Variants in KMT2B observed in about 807,000 individuals in gnomAD.
The protein encoded by KMT2B is lysine methyltransferase 2B, also known as histone-lysine N-methyltransferase 2B.
In KMT2B, 22 loss-of-function variants were observed where a neutral mutation model predicts 255.3. The observed-to-expected ratio is 0.09, with a 90% CI of 0.06 to 0.12. The LOEUF (loss-of-function observed/expected upper bound fraction) is 0.12. Among genes scored for constraint, KMT2B ranks in the 10% least tolerant of loss-of-function variants. KMT2B has a pLI of 1.00. For synonymous variants in KMT2B, 1,730 were observed against 1,498.1 expected (o/e 1.15, Z -3.57); for missense variants, 3,149 against 3,737.0 (o/e 0.84, Z 4.10).
intron 4 of KMT2B, 33 bp downstream of exon 4, chr19:35,722,505 T>C (rs1969260687): frequency 1.2e-6 from 2 of 1,600,434 alleles, no homozygotes; most frequent in East Asian, 2.2e-5. Flanking sequence ...TGAAGAAGAC[T>C]GGCGGGAGGA....
rs771149482 is a variant in KMT2B at position 35,721,535 on chromosome 19, G to T, written c.2188G>T (p.Gly730Trp). 1 of 1,611,516 alleles carries T rather than the reference G, an allele frequency of 6.2e-7. No homozygotes were observed. Among genetic ancestry groups the T allele is most frequent in the African/African-American group, 1.3e-5 (1 of 74,976 alleles). The part of the protein sequence containing the change: ...SPHGAPALSN[G>W]PQTQAQLLQP... ...TCACGGGGCTCCAGCTCTGAGCAAC[G>T]GGCCACAGACACAGGCTCAGCTACT... is the stretch of plus-strand genomic sequence containing the variant. Residue 730 changes from glycine (G) to tryptophan (W), a missense_variant, in exon 3 of 37, where the codon GGG becomes TGG. Physicochemically the swap from Gly to Trp is radical, Grantham distance 184. Transcript: ENST00000420124.
chr19:35,732,613 G>A lies in KMT2B; in HGVS notation c.6064G>A (p.Asp2022Asn). 6.2e-7 allele frequency: 1 copy of A among 1,612,486 alleles called. No homozygotes were observed. Among genetic ancestry groups the A allele is most frequent in the Non-Finnish European group, 8.5e-7 (1 of 1,179,442 alleles). ...AMGSSHGGPG[D>N]SSEEESSPTS... ...GGGGAGCAGCCACGGGGGCCCGGGG[G>A]ACAGCTCCGAGGAGGAGTCCAGCCC... is the stretch of plus-strand genomic sequence containing the variant. Residue 2022 changes from aspartate (D) to asparagine (N), a missense_variant, in exon 28 of 37, where the codon GAC becomes AAC. Physicochemically the swap from Asp to Asn is conservative, Grantham distance 23. Around this residue, in one of 18 missense-constraint regions of KMT2B, gnomAD observed 897 missense variants for 825.3 expected, o/e 1.09. Transcript: ENST00000420124.
Position 35,733,420 on chromosome 19 carries a change from G to T in KMT2B, c.6871G>T (p.Ala2291Ser), listed in dbSNP as rs530290369. 2 of 1,553,140 alleles carry T rather than the reference G, an allele frequency of 1.3e-6. No individual in the cohort carries two copies. The highest frequency in any genetic ancestry group is 1.7e-6 in the Non-Finnish European group (2 of 1,148,548). ...VSTFSGRSPP[A>S]PPPYKAPRLD... ...CACTTTCTCCGGCCGGTCCCCGCCA[G>T]CACCTCCCCCATACAAAGCCCCCCG... is the stretch of plus-strand genomic sequence containing the variant. Residue 2291 changes from alanine (A) to serine (S), a missense_variant, in exon 28 of 37, where the codon GCA becomes TCA. This residue lies in a region of KMT2B where 897 missense variants were observed against 825.3 expected (regional missense o/e 1.09). Transcript: ENST00000420124. The surrounding 1 kb of genome is among the most constrained non-coding windows in gnomAD (Gnocchi z 4.3).
At chr19:35,724,616 T>C in intron 8 of KMT2B, 21 bp from the exon 9 acceptor site, 3 of 1,570,582 alleles carry the variant, frequency 1.9e-6, no homozygotes, top group East Asian at 2.3e-5. Context: ...GTGACCTCAC[T>C]GCTCATTGTG....
At position 35,733,889 on chromosome 19, in the gene KMT2B, C is replaced by T. The variant is rs1372398425; in HGVS notation, c.7159+17C>T. Reference sequence around the variant, plus strand: ...ACTATTCAGGTAGGGACCGGCCTTGCCCTCTCCCTCCTTGCCTGTGCCTGG... The same window carrying T: ...ACTATTCAGGTAGGGACCGGCCTTGTCCTCTCCCTCCTTGCCTGTGCCTGG... On this transcript the variant is annotated intron_variant, in intron 30 of 36. Transcript: ENST00000420124. The surrounding 1 kb of genome is among the most constrained non-coding windows in gnomAD (Gnocchi z 4.3). 3.8e-6 allele frequency: 6 copies of T among 1,560,444 alleles called. No individual in the cohort carries two copies. Among genetic ancestry groups the T allele is most frequent in the East Asian group, 2.2e-5 (1 of 44,572 alleles).
rs1969957912 is a variant in KMT2B, at chr19:35,737,367, C to T, written c.7550+104C>T. ...TGGAAACTGAGGCCTGGGGAGGAGA[C>T]ACTAGGTCACTTGAAGAGTTATTTC... On this transcript the variant is annotated intron_variant, in intron 33 of 36. Coordinates refer to ENST00000420124, the MANE Select transcript of KMT2B (RefSeq NM_014727.3). The surrounding 1 kb of genome is among the most constrained non-coding windows in gnomAD (Gnocchi z 5.3). 1.7e-6 allele frequency: 2 copies of T among 1,181,492 alleles called. No homozygotes were observed. Among genetic ancestry groups the T allele is most frequent in the Non-Finnish European group, 2.3e-6 (2 of 868,806 alleles). 73.2% of individuals were successfully genotyped at this position (1,181,492 alleles called of 1,614,324 possible).
Position 35,722,391 on chromosome 19 carries a change from C to G in KMT2B, c.2490C>G (p.Ala830=). The change falls in exon 4 of 37, where the codon GCC becomes GCG. Residue 830 remains alanine, a synonymous_variant. Transcript: ENST00000420124. The part of the protein sequence containing the change: ...LSPGGQMEEV[A]GAVKQISDRG... ...CTGGAGGGCAGATGGAGGAGGTGGC[C>G]GGGGCTGTCAAGCAGATCTCCGACA... 2.5e-6 allele frequency: 4 copies of G among 1,610,802 alleles called. No individual in the cohort carries two copies. The highest frequency in any genetic ancestry group is 3.4e-6 in the Non-Finnish European group (4 of 1,179,716).
In KMT2B at chr19:35,725,704, CTG is replaced by C; in HGVS notation, c.3790-17_3790-16del. On this transcript the variant is annotated splice_polypyrimidine_tract_variant and intron_variant, in intron 12 of 36. Coordinates refer to ENST00000420124, the MANE Select transcript of KMT2B (RefSeq NM_014727.3). This position sits in a 1 kb window ranked among gnomAD's most constrained non-coding sequence, Gnocchi z 4.1. ...CCTGTGCCAGCAGGTTTCGCCATCTCTGTCTCCACATCCAACAGCACCTCCTG... is the reference window on the plus strand; with the variant it reads ...CCTGTGCCAGCAGGTTTCGCCATCTCTCTCCACATCCAACAGCACCTCCTG... 1.2e-6 allele frequency: 2 copies of C among 1,612,908 alleles called. No homozygotes were observed.
At position 35,725,729 on chromosome 19, in the gene KMT2B, C is replaced by T; in HGVS notation, c.3796C>T (p.Leu1266=). 1.2e-6 allele frequency: 2 copies of T among 1,610,594 alleles called. No individual in the cohort carries two copies. Among genetic ancestry groups the T allele is most frequent in the East Asian group, 2.2e-5 (1 of 44,724 alleles). ...GRKGRGSKHL[L]ECERCRHAYH... is the part of the protein sequence containing the mutation. ...CTGTCTCCACATCCAACAGCACCTC[C>T]TGGAGTGCGAGCGCTGCCGCCATGC... is the stretch of plus-strand genomic sequence containing the variant. The change falls in exon 13 of 37, where the codon CTG becomes TTG. Residue 1266 remains leucine (L), a synonymous_variant. Transcript: ENST00000420124. This position sits in a 1 kb window ranked among gnomAD's most constrained non-coding sequence, Gnocchi z 4.1.
At chr19:35,728,329 C>G (rs1969551560) in intron 19 of KMT2B, among the ~76,000 whole-genome samples, 158 bp downstream of exon 19, 4 of 152,052 alleles carry the variant, frequency 2.6e-5, no homozygotes, top group Middle Eastern at 3.4e-3. Context: ...CCTGGTGGTT[C>G]TAGACTAGCA....
Position 35,733,439 on chromosome 19 carries a change from C to T in KMT2B, c.6890C>T (p.Ala2297Val), listed in dbSNP as rs765166183. The change falls in exon 28 of 37, where the codon GCC (alanine) becomes GTC (valine). Residue 2297 changes from alanine (A) to valine (V), a missense_variant. Coordinates refer to ENST00000420124, the MANE Select transcript of KMT2B (RefSeq NM_014727.3). This position sits in a 1 kb window ranked among gnomAD's most constrained non-coding sequence, Gnocchi z 4.3. ...RSPPAPPPYK[A>V]PRLDEDGEAS... Reference sequence around the variant, plus strand: ...CCGCCAGCACCTCCCCCATACAAAGCCCCCCGGCTGGATGAAGATGGAGAG... The same window carrying T: ...CCGCCAGCACCTCCCCCATACAAAGTCCCCCGGCTGGATGAAGATGGAGAG... 5.1e-6 allele frequency: 8 copies of T among 1,557,490 alleles called. No individual in the cohort carries two copies. The African/African-American group carries it at 5.5e-5, about 11-fold the overall frequency.
chr19:35,720,292 G>A lies in KMT2B; in HGVS notation c.945G>A (p.Lys315=), dbSNP rs1265092786. 1 of 1,613,356 alleles carries A rather than the reference G, an allele frequency of 6.2e-7. No homozygotes were observed. The highest frequency in any genetic ancestry group is 1.3e-5 in the African/African-American group (1 of 74,934). ...IKFVSRAKKV[K]MGQLSLGLES... ...TTGTTTCAAGGGCCAAAAAAGTAAA[G>A]ATGGGACAATTGTCCTTGGGACTCG... The change falls in exon 3 of 37, where the codon AAG becomes AAA. Residue 315 remains lysine, a synonymous_variant. Coordinates refer to ENST00000420124, the MANE Select transcript of KMT2B (RefSeq NM_014727.3).
chr19:35,723,927 C>G lies in KMT2B; in HGVS notation c.3254C>G (p.Ser1085Cys). 6.2e-7 allele frequency: 1 copy of G among 1,612,446 alleles called. No homozygotes were observed. Among genetic ancestry groups the G allele is most frequent in the East Asian group, 2.2e-5 (1 of 44,872 alleles). ...SARRCVKQRPSYDIFEDSDDS... is the reference protein window; with the variant it reads ...SARRCVKQRPCYDIFEDSDDS... Reference sequence around the variant, plus strand: ...CGGCGCTGCGTCAAACAGCGACCCTCCTATGATATCTTCGAGGATTCGGAT... The same window carrying G: ...CGGCGCTGCGTCAAACAGCGACCCTGCTATGATATCTTCGAGGATTCGGAT... Residue 1085 changes from serine to cysteine, a missense_variant, in exon 8 of 37, where the codon TCC becomes TGC. This residue lies in a region of KMT2B where 136 missense variants were observed against 137.3 expected (regional missense o/e 0.99). Coordinates refer to ENST00000420124, the MANE Select transcript of KMT2B (RefSeq NM_014727.3). This position sits in a 1 kb window ranked among gnomAD's most constrained non-coding sequence, Gnocchi z 7.5.
At chr19:35,736,518 C>T (rs1344052321) in intron 30 of KMT2B, 172 bp from the exon 31 acceptor site, 7 of 727,102 alleles carry the variant, frequency 9.6e-6, no homozygotes, top group Non-Finnish European at 1.3e-5. Context: ...AAGAAATGTC[C>T]ATTCTGCAGG....
intron 3 of KMT2B, 110 bp from the exon 4 acceptor site, chr19:35,722,249 C>T (rs534799315): frequency 2.8e-5 from 31 of 1,115,412 alleles, no homozygotes; most frequent in East Asian, 2.3e-4. Flanking sequence ...GTGATCTGCC[C>T]GTCTCGGCCT....
Position 35,718,433 on chromosome 19 carries a change from T to TC in KMT2B, c.363+54dup. The stretch of plus-strand genomic sequence containing the variant: ...GCCGGGTGGGGCGGAGGCCGGGGCT[T>TC]CCAGGGGTCTGGGTTGTCCCGGGGG... On this transcript the variant is annotated intron_variant, in intron 1 of 36. Coordinates refer to ENST00000420124, the MANE Select transcript of KMT2B (RefSeq NM_014727.3). This position sits in a 1 kb window ranked among gnomAD's most constrained non-coding sequence, Gnocchi z 5.0. The TC allele has an allele frequency of 8.2e-7, 1 of 1,224,588 alleles. No homozygotes were observed. The highest frequency in any genetic ancestry group is 1.0e-6 in the Non-Finnish European group (1 of 973,776). 75.9% of individuals were successfully genotyped at this position (1,224,588 alleles called of 1,614,324 possible).
rs1483620053 is a variant in KMT2B, at chr19:35,724,644, A to T, written c.3342A>T (p.Pro1114=). The T allele has an allele frequency of 1.3e-6, 2 of 1,597,024 alleles. No individual in the cohort carries two copies. Among genetic ancestry groups the T allele is most frequent in the Non-Finnish European group, 1.7e-6 (2 of 1,172,216 alleles). The change falls in exon 9 of 37, where the codon CCA becomes CCT. Residue 1114 remains proline, a synonymous_variant. Coordinates refer to ENST00000420124, the MANE Select transcript of KMT2B (RefSeq NM_014727.3). ...TCATTGTGTCCTGCCTAGAGCTGCC[A>T]CTGCCAGAACCTGAGGAGCAGAGCC... ...RRRTPRENEL[P]LPEPEEQSRP...
chr19:35,719,866 C>A lies in KMT2B; in HGVS notation c.519C>A (p.Pro173=), dbSNP rs375244657. The part of the protein sequence containing the change: ...PPRLADVAPT[P]PKTPARKRGE... ...GCCTAGCAGATGTGGCTCCTACCCCCCCAAAGACCCCTGCCCGGAAACGGG... is the reference window on the plus strand; with the variant it reads ...GCCTAGCAGATGTGGCTCCTACCCCACCAAAGACCCCTGCCCGGAAACGGG... The change falls in exon 3 of 37, where the codon CCC becomes CCA. Residue 173 remains proline, a synonymous_variant. Coordinates refer to ENST00000420124, the MANE Select transcript of KMT2B (RefSeq NM_014727.3). 6 of 1,613,234 alleles carry A rather than the reference C, an allele frequency of 3.7e-6. No individual in the cohort carries two copies. In the South Asian group the frequency reaches 4.4e-5, roughly 12 times the overall value.
Position 35,728,900 on chromosome 19 carries a change from G to T in KMT2B, c.4687+11G>T, listed in dbSNP as rs1212591593. The T allele has an allele frequency of 1.2e-6, 2 of 1,613,090 alleles. No homozygotes were observed. The highest frequency in any genetic ancestry group is 2.2e-5 in the South Asian group (2 of 91,064). On this transcript the variant is annotated intron_variant, in intron 20 of 36. Transcript: ENST00000420124. ...GGGATCCCTCAGCAGGTACTGGGAA[G>T]TGGGGGTCCAGAAGCCAGGGCCCTG... is the stretch of plus-strand genomic sequence containing the variant.
Sources: allele counts gnomAD v4.1 joint callset (sites outside exome capture counted in the v4.1 genomes callset), GRCh38; gene constraint gnomAD v4.1.1; regional missense constraint gnomAD v4.1.1; non-coding constraint Gnocchi (gnomAD v3.1); transcripts MANE v1.5; gene names NCBI Gene and HGNC (gene_info 2026-07-23, HGNC 2026-07-21).